The following LRBA variants were observed in gnomAD, a reference collection of about 807,000 sequenced individuals.
LRBA encodes the protein LPS responsive beige-like anchor protein.
A neutral mutation model predicts 330.0 loss-of-function variants in LRBA; 176 were observed. That is an observed-to-expected ratio of 0.53 (90% confidence interval 0.47 to 0.60). The LOEUF (loss-of-function observed/expected upper bound fraction) is 0.60, where lower values mean the gene tolerates loss of function less well. Ranked by LOEUF, LRBA falls within the 20% of genes least tolerant of loss-of-function variation. The probability of loss-of-function intolerance (pLI) is 0.00; values close to 1 mark genes in which losing one functional copy is unlikely to be tolerated. For missense variants in LRBA, 3,259 were observed against 3,444.8 expected (o/e 0.95, Z 1.35); for synonymous variants, 1,230 against 1,193.0 (o/e 1.03, Z -0.64).
At chr4:150,907,239 G>C (rs1579163414) in intron 11 of LRBA, among the ~76,000 whole-genome samples, 1 of 97,694 alleles carries the variant, frequency 1.0e-5, no homozygotes, top group African/African-American at 3.9e-5. Context: ...AGGGGGGAGG[G>C]AGAGGGAGAG....
At chr4:150,913,130 T>C (rs913969978) in intron 9 of LRBA, among the ~76,000 whole-genome samples, 2 of 152,222 alleles carry the variant, frequency 1.3e-5, no homozygotes, top group Non-Finnish European at 2.9e-5. Flanking sequence ...ACTTGTTTTG[T>C]GGCATAACAC....
chr4:150,647,840 A>G (rs1475725398), intron 37 of LRBA, among the ~76,000 whole-genome samples: 1 of 151,952 alleles, frequency 6.6e-6, no homozygotes, highest in Non-Finnish European at 1.5e-5. Context: ...ATCTACATCT[A>G]TTATTGTGGT....
chr4:150,796,977 A>C, intron 34 of LRBA, among the ~76,000 whole-genome samples: 1 of 152,060 alleles, frequency 6.6e-6, no homozygotes, highest in South Asian at 2.1e-4. Context: ...TGATTAAATT[A>C]TAGAACATGA....
intron 48 of LRBA, among the ~76,000 whole-genome samples, chr4:150,336,718 G>A (rs563645627): frequency 4.5e-4 from 69 of 152,204 alleles, no homozygotes; most frequent in African/African-American, 1.6e-3. Context: ...AACGGAGCCC[G>A]TACTTTTCAG....
chr4:150,798,170 A>G, intron 33 of LRBA, 28 bp from the exon 34 acceptor site: 2 of 1,424,848 alleles, frequency 1.4e-6, no homozygotes, highest in Middle Eastern at 1.8e-4. Flanking sequence ...TTAAAAAAGA[A>G]GTTATAAAGA....
chr4:150,513,286 T>C (rs1762015236), intron 40 of LRBA, among the ~76,000 whole-genome samples: 1 of 152,238 alleles, frequency 6.6e-6, no homozygotes, highest in South Asian at 2.1e-4. Flanking sequence ...GCATAATTAA[T>C]AGCCTTGGAA....
At chr4:150,738,433 T>C (rs570053835) in intron 35 of LRBA, among the ~76,000 whole-genome samples, 8 of 152,268 alleles carry the variant, frequency 5.3e-5, no homozygotes, top group African/African-American at 1.9e-4. Context: ...AATAAGAACA[T>C]TCCATGACAA....
At chr4:150,883,075 C>T (rs1728576345) in intron 17 of LRBA, among the ~76,000 whole-genome samples, 1 of 152,196 alleles carries the variant, frequency 6.6e-6, no homozygotes, top group Non-Finnish European at 1.5e-5. Context: ...ATTTTCTCCA[C>T]TTGAGACTGT....
intron 44 of LRBA, among the ~76,000 whole-genome samples, chr4:150,442,293 GA>G (rs1298732652): frequency 2.0e-5 from 3 of 151,886 alleles, no homozygotes; most frequent in East Asian, 3.9e-4. Flanking sequence ...TAAAGAAAAG[GA>G]AAAAAAGGTA....
intron 37 of LRBA, among the ~76,000 whole-genome samples, chr4:150,646,180 T>C (rs1338403334): frequency 7.9e-5 from 12 of 152,014 alleles, no homozygotes; most frequent in Non-Finnish European, 1.2e-4. Context: ...ATTCTGGCTA[T>C]ATTTTTATGG....
In LRBA at chr4:151,014,604, T is replaced by A. The variant is rs1042962671; in HGVS notation, c.39A>T (p.Pro13=). The A allele has an allele frequency of 1.2e-6, 2 of 1,609,884 alleles. No homozygotes were observed. Among genetic ancestry groups the A allele is most frequent in the Non-Finnish European group, 1.7e-6 (2 of 1,177,842 alleles). The change falls in exon 2 of 57, where the codon CCA becomes CCT. Residue 13 remains proline (P), a synonymous_variant. Coordinates refer to ENST00000651943, the MANE Select transcript of LRBA (RefSeq NM_001364905.1). ...SEDNRVPSPP[P]TGDDGGGGGR... ...CTCCACCTCCCCCGTCATCACCTGT[T>A]GGTGGCGGGGAAGGGACACGATTGT...
At chr4:150,589,037 G>GTA (rs1279724425) in intron 39 of LRBA, among the ~76,000 whole-genome samples, 82 of 115,750 alleles carry the variant, frequency 7.1e-4, no homozygotes, top group East Asian at 3.6e-3. Flanking sequence ...GTCTGTGTGT[G>GTA]TATACACACA....
intron 40 of LRBA, among the ~76,000 whole-genome samples, chr4:150,494,140 A>G (rs1759287992): frequency 1.3e-5 from 2 of 152,182 alleles, no homozygotes; most frequent in African/African-American, 2.4e-5. Flanking sequence ...TTGATACAAA[A>G]TTCCTTGGCA....
chr4:150,265,713 C>G lies in LRBA; in HGVS notation c.*9G>C, dbSNP rs150102345. On this transcript the variant is annotated 3_prime_UTR_variant, in exon 57 of 57. Coordinates refer to ENST00000651943, the MANE Select transcript of LRBA (RefSeq NM_001364905.1). ...TCCTAGGGGCAGAGTTGATGTACAG[C>G]TGTCACCATCAGTAGCGGGTTTGGT... 5 of 1,579,582 alleles carry G rather than the reference C, an allele frequency of 3.2e-6. No individual in the cohort carries two copies. Among genetic ancestry groups the G allele is most frequent in the Non-Finnish European group, 3.5e-6 (4 of 1,148,518 alleles).
At chr4:150,668,979 G>A (rs926600002) in intron 37 of LRBA, among the ~76,000 whole-genome samples, 1 of 152,070 alleles carries the variant, frequency 6.6e-6, no homozygotes, top group Non-Finnish European at 1.5e-5. Flanking sequence ...AAGAGACTGC[G>A]CCCTGGTCTT....
intron 52 of LRBA, among the ~76,000 whole-genome samples, chr4:150,305,484 G>C (rs376598740): frequency 1.1e-4 from 17 of 152,194 alleles, no homozygotes; most frequent in African/African-American, 3.9e-4. Context: ...CTTCTTACCT[G>C]TATACAGTGG....
intron 42 of LRBA, among the ~76,000 whole-genome samples, chr4:150,477,302 C>A (rs1008044705): frequency 6.6e-6 from 1 of 152,106 alleles, no homozygotes; most frequent in African/African-American, 2.4e-5. Flanking sequence ...TCCACTCTCA[C>A]ACTGCTATAA....
chr4:150,570,331 T>A (rs1769683808), intron 40 of LRBA, among the ~76,000 whole-genome samples: 1 of 152,230 alleles, frequency 6.6e-6, no homozygotes, highest in East Asian at 1.9e-4. Flanking sequence ...CACTGTAGGC[T>A]GCATGAACAA....
chr4:150,433,225 T>A (rs1035315644), intron 46 of LRBA, among the ~76,000 whole-genome samples: 2 of 152,152 alleles, frequency 1.3e-5, no homozygotes, highest in Admixed American at 6.5e-5. Flanking sequence ...AAGAAGACCA[T>A]GTGATTTCTT....
Sources: allele counts gnomAD v4.1 joint callset (sites outside exome capture counted in the v4.1 genomes callset), GRCh38; gene constraint gnomAD v4.1.1; transcripts MANE v1.5; gene names NCBI Gene and HGNC (gene_info 2026-07-23, HGNC 2026-07-21).